ZGRF1: variants seen among roughly 807,000 people sequenced by gnomAD.
ZGRF1 encodes the protein 5'-3' DNA helicase ZGRF1.
In ZGRF1, 196 loss-of-function variants were observed where a neutral mutation model predicts 203.5. The observed-to-expected ratio is 0.96, with a 90% CI of 0.86 to 1.08. The LOEUF (loss-of-function observed/expected upper bound fraction) is 1.08, where lower values mean the gene tolerates loss of function less well. Ranked by LOEUF, ZGRF1 falls within the 50% of genes least tolerant of loss-of-function variation. ZGRF1 has a pLI of 0.00. For missense variants in ZGRF1, 2,326 were observed against 2,416.3 expected (o/e 0.96, Z 0.78); for synonymous variants, 809 against 841.3 (o/e 0.96, Z 0.66).
Position 112,586,491 on chromosome 4 carries a change from A to G in ZGRF1, c.3870T>C (p.Phe1290=). The change falls in exon 13 of 28, where the codon TTT becomes TTC. Residue 1290 remains phenylalanine (F), a synonymous_variant. Transcript: ENST00000505019. ...TCTGCTTATAATGAGCAGGAGACTG[A>G]AAAACAGCTGGTATGTGAATTTGCC... is the stretch of plus-strand genomic sequence containing the variant. ...PQRQIHIPAV[F]QSPAHYKQTF... The G allele has an allele frequency of 1.2e-6, 2 of 1,613,174 alleles. No individual in the cohort carries two copies. Among genetic ancestry groups the G allele is most frequent in the South Asian group, 2.2e-5 (2 of 90,984 alleles).
chr4:112,543,221 C>T (rs1738052575), intron 24 of ZGRF1, among the ~76,000 whole-genome samples: 1 of 151,912 alleles, frequency 6.6e-6, no homozygotes, highest in Non-Finnish European at 1.5e-5. Context: ...GCTAAAGATC[C>T]CCCTTCATTG....
chr4:112,573,578 T>C (rs1744611408), intron 16 of ZGRF1, among the ~76,000 whole-genome samples: 1 of 151,986 alleles, frequency 6.6e-6, no homozygotes, highest in Non-Finnish European at 1.5e-5. Context: ...GATTTAAATG[T>C]CAAAAACCAA....
At chr4:112,586,741 A>C (rs1457878145) in intron 12 of ZGRF1, among the ~76,000 whole-genome samples, 158 bp from the exon 13 acceptor site, 1 of 152,228 alleles carries the variant, frequency 6.6e-6, no homozygotes, top group Non-Finnish European at 1.5e-5. Context: ...GAGAAACCAA[A>C]TATAGCAAGA....
chr4:112,554,453 G>A (rs536200017), intron 21 of ZGRF1, among the ~76,000 whole-genome samples: 2 of 152,200 alleles, frequency 1.3e-5, no homozygotes, highest in East Asian at 3.9e-4. Context: ...TGACAGACTG[G>A]ATTAAGAAAA....
At chr4:112,576,435 T>C (rs780729352) in intron 16 of ZGRF1, among the ~76,000 whole-genome samples, 4 of 152,118 alleles carry the variant, frequency 2.6e-5, no homozygotes, top group Non-Finnish European at 4.4e-5. Context: ...AGAGAATGAC[T>C]TTGACAAGTC....
chr4:112,608,239 A>G (rs1191768014), intron 8 of ZGRF1, among the ~76,000 whole-genome samples: 2 of 152,166 alleles, frequency 1.3e-5, no homozygotes, highest in Non-Finnish European at 2.9e-5. Context: ...AAAATATATG[A>G]TATCTAAGTG....
In ZGRF1 at chr4:112,563,274, T is replaced by C. The variant is rs760601193; in HGVS notation, c.4439A>G (p.Asn1480Ser). Residue 1480 changes from asparagine (N) to serine (S), a missense_variant and splice_region_variant, in exon 17 of 28, where the codon AAT (asparagine) becomes AGT (serine). Physicochemically the swap from Asn to Ser is conservative, Grantham distance 46. Coordinates refer to ENST00000505019, the MANE Select transcript of ZGRF1 (RefSeq NM_018392.5). ...RKERSSAYSK[N>S]DLWVVSKTLD... Reference sequence around the variant, plus strand: ...GGTTTTTGAAACCACCCAAAGATCATCTGAAAAGACAAACATTTTTAAATA... The same window carrying C: ...GGTTTTTGAAACCACCCAAAGATCACCTGAAAAGACAAACATTTTTAAATA... 2.7e-5 allele frequency: 42 copies of C among 1,548,690 alleles called. No homozygotes were observed. In the South Asian group the frequency reaches 3.9e-4, roughly 15 times the overall value.
At chr4:112,619,921 AC>A in intron 5 of ZGRF1, 80 bp downstream of exon 5, 1 of 1,196,424 alleles carries the variant, frequency 8.4e-7, no homozygotes, top group South Asian at 1.7e-5. Flanking sequence ...ATGACAGAGT[AC>A]AATAACTTCA....
intron 16 of ZGRF1, among the ~76,000 whole-genome samples, chr4:112,563,768 T>C (rs541229738): frequency 1.3e-5 from 2 of 152,336 alleles, no homozygotes; most frequent in South Asian, 4.2e-4. Flanking sequence ...GTATTTCTCA[T>C]AGCAGTTCTG....
chr4:112,556,311 G>T (rs530764021), intron 20 of ZGRF1, among the ~76,000 whole-genome samples: 1 of 152,248 alleles, frequency 6.6e-6, no homozygotes, highest in East Asian at 1.9e-4. Flanking sequence ...CAAGAATTTG[G>T]AAATAATTTA....
At position 112,614,089 on chromosome 4, in the gene ZGRF1, T is replaced by G. The variant is rs959165112; in HGVS notation, c.2603-1501A>C. Among the ~76,000 whole-genome samples, 3 of 152,198 alleles carry G rather than the reference T, an allele frequency of 2.0e-5. No individual in the cohort carries two copies. In the East Asian group the frequency reaches 5.8e-4, roughly 29 times the overall value. ...AACATTTCTAAGCTATATACAATTA[T>G]CTCACAAAAAATTTAGAGTTTTAAC... On this transcript the variant is annotated intron_variant, in intron 6 of 27. Transcript: ENST00000505019.
At chr4:112,615,599 T>A (rs1359742127) in intron 6 of ZGRF1, among the ~76,000 whole-genome samples, 1 of 151,756 alleles carries the variant, frequency 6.6e-6, no homozygotes, top group African/African-American at 2.4e-5. Context: ...CATAACTTTA[T>A]CTACTCATAT....
intron 24 of ZGRF1, chr4:112,546,905 T>C (rs1171554158): frequency 3.3e-5 from 5 of 153,548 alleles, no homozygotes; most frequent in African/African-American, 1.2e-4. Flanking sequence ...CTCAGGTTTT[T>C]CTGTTATACC....
chr4:112,552,365 T>C (rs1740134821), intron 22 of ZGRF1, among the ~76,000 whole-genome samples: 1 of 151,884 alleles, frequency 6.6e-6, no homozygotes, highest in African/African-American at 2.4e-5. Flanking sequence ...TTCTAAAAAA[T>C]AATTCCTCTA....
intron 24 of ZGRF1, among the ~76,000 whole-genome samples, chr4:112,546,070 A>AAGTAATAATAATAATAAT: frequency 2.6e-5 from 1 of 39,076 alleles, no homozygotes; most frequent in Non-Finnish European, 5.0e-5. Flanking sequence ...ATGTACTTTA[A>AAGTAATAATAATAATAAT]AGTAATAATA....
chr4:112,547,933 T>C (rs1250427238), intron 23 of ZGRF1, among the ~76,000 whole-genome samples: 1 of 152,130 alleles, frequency 6.6e-6, no homozygotes, highest in African/African-American at 2.4e-5. Flanking sequence ...AGTATTATTA[T>C]TCTTTTTCTT....
chr4:112,541,712 G>T (rs1224272828), intron 24 of ZGRF1, among the ~76,000 whole-genome samples: 1 of 151,862 alleles, frequency 6.6e-6, no homozygotes, highest in Non-Finnish European at 1.5e-5. Context: ...TATTTTTGTA[G>T]AGACGGGGTT....
intron 7 of ZGRF1, among the ~76,000 whole-genome samples, chr4:112,611,611 T>C (rs1466593064): frequency 1.3e-5 from 2 of 152,220 alleles, no homozygotes; most frequent in Non-Finnish European, 2.9e-5. Context: ...TTATTTTTTA[T>C]ATAACTACCA....
chr4:112,624,460 T>TAA (rs1318763905), intron 3 of ZGRF1, among the ~76,000 whole-genome samples: 1 of 142,526 alleles, frequency 7.0e-6, no homozygotes, highest in Non-Finnish European at 1.5e-5. Flanking sequence ...CCATCTCAAT[T>TAA]AAAAAAAAAA....
Sources: gnomAD v4.1 joint callset for allele counts (sites outside exome capture counted in the v4.1 genomes callset) on GRCh38, gnomAD v4.1.1 for gene constraint, MANE v1.5 for transcripts, NCBI Gene and HGNC (gene_info 2026-07-23, HGNC 2026-07-21) for gene names.